PXDN: variants seen among roughly 807,000 people sequenced by gnomAD.
PXDN encodes peroxidasin.
PXDN carries 77 observed loss-of-function variants against 140.3 expected under a neutral mutation model. The ratio of observed to expected loss-of-function variants is 0.55; its 90% CI spans 0.46 to 0.66. PXDN has a LOEUF of 0.66. PXDN is among the 30% of genes least tolerant of loss of function. PXDN has a pLI of 0.00. For synonymous variants in PXDN, 911 were observed against 857.4 expected (o/e 1.06, Z -1.09); for missense variants, 1,838 against 2,039.5 (o/e 0.90, Z 1.90).
intron 6 of PXDN, 69 bp from the exon 7 acceptor site, chr2:1,680,431 G>T: frequency 6.4e-7 from 1 of 1,568,020 alleles, no homozygotes. Context: ...CATCAGACAG[G>T]GCTTCCAGGT....
At chr2:1,717,584 G>C (rs1315816925) in intron 1 of PXDN, among the ~76,000 whole-genome samples, 1 of 139,718 alleles carries the variant, frequency 7.2e-6, no homozygotes, top group South Asian at 2.5e-4. Flanking sequence ...TTGTTGATGC[G>C]GGAAACTTAT....
chr2:1,673,700 T>C lies in PXDN; in HGVS notation c.961A>G (p.Asn321Asp). ...TGCGTCTTCACCTCTCCGGCCACGT[T>C]CTTTGCCATGCACTGGTAGATACCC... ...DQGIYQCMAK[N>D]VAGEVKTQEV... is the part of the protein sequence containing the mutation. The change falls in exon 9 of 23, where the codon AAC (asparagine) becomes GAC (aspartate). Residue 321 changes from asparagine to aspartate, a missense_variant. By Grantham distance (23) the Asn-to-Asp change is conservative. This residue lies in a region of PXDN where 208 missense variants were observed against 325.8 expected (regional missense o/e 0.64). Transcript: ENST00000252804. The C allele has an allele frequency of 6.2e-7, 1 of 1,614,034 alleles. No individual in the cohort carries two copies. Among genetic ancestry groups the C allele is most frequent in the Non-Finnish European group, 8.5e-7 (1 of 1,179,894 alleles).
chr2:1,742,396 C>G (rs10211278), intron 1 of PXDN, among the ~76,000 whole-genome samples: 36,521 of 152,116 alleles, frequency 0.24, 4,891 homozygotes, highest in East Asian at 0.58. Context: ...CAAATGTACC[C>G]TATGAGGAAG....
At chr2:1,710,422 TG>T (rs2125467817) in intron 1 of PXDN, among the ~76,000 whole-genome samples, 1 of 152,184 alleles carries the variant, frequency 6.6e-6, no homozygotes, top group Admixed American at 6.5e-5. Context: ...TTAGGAGGTG[TG>T]AAGCCTTTGG....
chr2:1,642,473 C>T (rs1031625451), intron 19 of PXDN, among the ~76,000 whole-genome samples: 8 of 152,344 alleles, frequency 5.3e-5, no homozygotes, highest in Admixed American at 3.3e-4. Flanking sequence ...ACAAGCTCCA[C>T]AGATTGCCGG....
At chr2:1,726,284 T>A (rs1167964001) in intron 1 of PXDN, among the ~76,000 whole-genome samples, 1 of 151,804 alleles carries the variant, frequency 6.6e-6, no homozygotes, top group South Asian at 2.1e-4. Context: ...TATAGGGACA[T>A]GGATGAAATT....
intron 21 of PXDN, among the ~76,000 whole-genome samples, chr2:1,637,994 C>T (rs573444465): frequency 9.2e-5 from 14 of 152,192 alleles, no homozygotes; most frequent in African/African-American, 2.2e-4. Flanking sequence ...TGCAGCTGCA[C>T]GGGATGAGGG....
Position 1,740,664 on chromosome 2 carries a change from C to T in PXDN, c.200+3592G>A, listed in dbSNP as rs534322983. Among the ~76,000 whole-genome samples the T allele has an allele frequency of 2.2e-3, 337 of 152,242 alleles. 1 individual carries two copies. The highest frequency in any genetic ancestry group is 1.1e-3 in the Non-Finnish European group (77 of 68,012). On this transcript the variant is annotated intron_variant, in intron 1 of 22. Transcript: ENST00000252804. ...CCCGTCCCACCAGGACTGCACACACCTGGGGTCATCTTACCACTCCCAGGA... is the reference window on the plus strand; with the variant it reads ...CCCGTCCCACCAGGACTGCACACACTTGGGGTCATCTTACCACTCCCAGGA...
intron 1 of PXDN, among the ~76,000 whole-genome samples, chr2:1,702,300 C>A (rs1231975488): frequency 6.6e-6 from 1 of 152,176 alleles, no homozygotes; most frequent in South Asian, 2.1e-4. Context: ...CAGGTGCCAC[C>A]CCCCCAACCC....
At chr2:1,696,684 C>G (rs938205626) in intron 1 of PXDN, among the ~76,000 whole-genome samples, 2 of 152,156 alleles carry the variant, frequency 1.3e-5, no homozygotes, top group African/African-American at 4.8e-5. Context: ...CTGTCTGATA[C>G]CACAGCACAT....
intron 1 of PXDN, among the ~76,000 whole-genome samples, chr2:1,743,570 C>CG (rs1415147385): frequency 1.1e-5 from 1 of 92,882 alleles, no homozygotes; most frequent in Admixed American, 1.2e-4. Flanking sequence ...TTCCCCGGCG[C>CG]GGGGGGATGG....
At chr2:1,744,113 C>T in intron 1 of PXDN, 143 bp downstream of exon 1, 1 of 931,014 alleles carries the variant, frequency 1.1e-6, no homozygotes, top group Non-Finnish European at 1.4e-6. Flanking sequence ...CGGAGGTTCC[C>T]TTCTGCGTCC....
chr2:1,682,208 A>C (rs1683923478), intron 6 of PXDN, among the ~76,000 whole-genome samples: 1 of 152,046 alleles, frequency 6.6e-6, no homozygotes, highest in Non-Finnish European at 1.5e-5. Flanking sequence ...TCTGCCCTAA[A>C]CTTGTCTTGG....
chr2:1,744,340 C>A lies in PXDN; in HGVS notation c.116G>T (p.Arg39Leu), dbSNP rs1430541564. Reference sequence around the variant, plus strand: ...CACGGTGGTGCGGAAGCACAGGCAGCGGCTCGGACACCCTGCGCCCGGCTT... The same window carrying A: ...CACGGTGGTGCGGAAGCACAGGCAGAGGCTCGGACACCCTGCGCCCGGCTT... ...AQKPGAGCPSRCLCFRTTVRC... is the reference protein window; with the variant it reads ...AQKPGAGCPSLCLCFRTTVRC... Residue 39 changes from arginine to leucine, a missense_variant, in exon 1 of 23, where the codon CGC becomes CTC. Coordinates refer to ENST00000252804, the MANE Select transcript of PXDN (RefSeq NM_012293.3). 6.5e-7 allele frequency: 1 copy of A among 1,527,544 alleles called. No individual in the cohort carries two copies. The highest frequency in any genetic ancestry group is 2.5e-5 in the East Asian group (1 of 40,020). 94.6% of individuals were successfully genotyped at this position (1,527,544 alleles called of 1,614,324 possible). A position where few individuals can be genotyped will look rare whatever the true frequency, so the allele number is the denominator to read the frequency against.
chr2:1,638,814 A>C (rs750158755), intron 21 of PXDN, 32 bp downstream of exon 21: 2 of 1,613,616 alleles, frequency 1.2e-6, no homozygotes, highest in Admixed American at 3.3e-5. Context: ...GGAATCTTGG[A>C]GTGGGGGGAC....
At chr2:1,716,443 A>AAG (rs1373635854) in intron 1 of PXDN, among the ~76,000 whole-genome samples, 1 of 69,008 alleles carries the variant, frequency 1.4e-5, no homozygotes, top group African/African-American at 5.4e-5. Context: ...ATCTCAGGAA[A>AAG]AAAAAAAAAA....
chr2:1,725,805 T>C (rs1347551047), intron 1 of PXDN, among the ~76,000 whole-genome samples: 2 of 152,202 alleles, frequency 1.3e-5, no homozygotes, highest in Admixed American at 6.5e-5. Context: ...GACATTTATG[T>C]AGCCAAAAAA....
chr2:1,744,867 T>C (rs1255336280), upstream of PXDN: 1 of 162,970 alleles, frequency 6.1e-6, no homozygotes, highest in African/African-American at 2.4e-5. Context: ...TGTAACACTT[T>C]TAGAGCGCTT....
At chr2:1,733,760 A>AAAAAAAAAAAAAAAAAC in intron 1 of PXDN, among the ~76,000 whole-genome samples, 1 of 151,316 alleles carries the variant, frequency 6.6e-6, no homozygotes, top group Admixed American at 6.6e-5. Flanking sequence ...AAAAAAAAAA[A>AAAAAAAAAAAAAAAAAC]AAAAAAAGCA....
Sources: allele counts gnomAD v4.1 joint callset (sites outside exome capture counted in the v4.1 genomes callset), GRCh38; gene constraint gnomAD v4.1.1; regional missense constraint gnomAD v4.1.1; transcripts MANE v1.5; gene names NCBI Gene and HGNC (gene_info 2026-07-23, HGNC 2026-07-21).